Variants in NLGN1 observed in about 807,000 individuals in gnomAD.
NLGN1 encodes neuroligin-1.
Under a neutral mutation model 65.5 loss-of-function variants are expected in NLGN1, and 12 were observed. The observed-to-expected ratio is 0.18, with a 90% CI of 0.12 to 0.30. NLGN1 has a LOEUF of 0.30. NLGN1 is among the 10% of genes least tolerant of loss of function. The probability of loss-of-function intolerance (pLI) is 1.00; values close to 1 mark genes in which losing one functional copy is unlikely to be tolerated. For missense variants in NLGN1, 750 were observed against 1,007.1 expected (o/e 0.74, Z 3.46); for synonymous variants, 350 against 359.5 (o/e 0.97, Z 0.30).
At chr3:173,921,719 C>T (rs915212707) in intron 4 of NLGN1, among the ~76,000 whole-genome samples, 6 of 151,978 alleles carry the variant, frequency 3.9e-5, no homozygotes, top group Admixed American at 3.3e-4. Context: ...CTCCTAGCAA[C>T]GAGTATGTAT....
chr3:174,091,969 A>T (rs1462666819), intron 4 of NLGN1, among the ~76,000 whole-genome samples: 2 of 152,200 alleles, frequency 1.3e-5, no homozygotes, highest in East Asian at 1.9e-4. Context: ...AATGAATTTT[A>T]AAAATAAATC....
chr3:174,230,093 G>T (rs1043285532), intron 4 of NLGN1, among the ~76,000 whole-genome samples: 1 of 152,098 alleles, frequency 6.6e-6, no homozygotes, highest in Non-Finnish European at 1.5e-5. Context: ...TCCATATATG[G>T]CAGTGTGGTG....
chr3:173,803,351 T>C (rs1187036433), intron 3 of NLGN1, among the ~76,000 whole-genome samples: 6 of 152,046 alleles, frequency 3.9e-5, no homozygotes, highest in Non-Finnish European at 7.4e-5. Flanking sequence ...GTGTGGTGGC[T>C]CCACACCCTG....
At chr3:174,082,523 A>G (rs1742436708) in intron 4 of NLGN1, among the ~76,000 whole-genome samples, 1 of 151,918 alleles carries the variant, frequency 6.6e-6, no homozygotes, top group South Asian at 2.1e-4. Flanking sequence ...GGTAAAAAAG[A>G]CTACATAATA....
Position 173,762,383 on chromosome 3 carries a change from A to C in NLGN1, c.494-45297A>C, listed in dbSNP as rs190278243. On this transcript the variant is annotated intron_variant, in intron 3 of 6. Transcript: ENST00000457714. ...CTGCTATAAAAGTGACGATGCAAAC[A>C]CATATCTGTACCTTTAAAATGATAA... Among the ~76,000 whole-genome samples, 396 of 152,208 alleles carry C rather than the reference A, an allele frequency of 2.6e-3. 1 individual carries two copies. Among genetic ancestry groups the C allele is most frequent in the African/African-American group, 9.0e-3 (375 of 41,552 alleles).
At chr3:173,614,851 C>G (rs1262242808) in intron 3 of NLGN1, among the ~76,000 whole-genome samples, 1 of 152,024 alleles carries the variant, frequency 6.6e-6, no homozygotes, top group Non-Finnish European at 1.5e-5. Context: ...TCTTCCAGAG[C>G]AAAGGGAGCT....
chr3:174,029,554 GCTGGAATGAGTTAGGACCTTGGGGGA>G (rs1729511658), intron 4 of NLGN1, among the ~76,000 whole-genome samples: 1 of 152,150 alleles, frequency 6.6e-6, no homozygotes, highest in Admixed American at 6.5e-5. Flanking sequence ...TTGAGTTAAT[GCTGGAATGAGTTAGGACCTTGGGGGA>G]CTGTTGGGAA....
At chr3:174,016,127 G>C (rs556825087) in intron 4 of NLGN1, among the ~76,000 whole-genome samples, 1 of 152,268 alleles carries the variant, frequency 6.6e-6, no homozygotes, top group Non-Finnish European at 1.5e-5. Context: ...CAAGTATTCT[G>C]ATTAATAACT....
chr3:173,577,009 C>T (rs555387330), intron 2 of NLGN1, among the ~76,000 whole-genome samples: 3 of 152,262 alleles, frequency 2.0e-5, no homozygotes, highest in South Asian at 2.1e-4. Flanking sequence ...CTGACCTCAA[C>T]GTGATCTTAG....
At chr3:174,065,615 T>G (rs1244125940) in intron 4 of NLGN1, among the ~76,000 whole-genome samples, 1 of 151,826 alleles carries the variant, frequency 6.6e-6, no homozygotes, top group African/African-American at 2.4e-5. Flanking sequence ...TGTTCTTGTG[T>G]GTGTAGATAC....
intron 2 of NLGN1, among the ~76,000 whole-genome samples, chr3:173,488,088 A>G (rs1449801604): frequency 6.6e-6 from 1 of 150,902 alleles, no homozygotes; most frequent in Non-Finnish European, 1.5e-5. Context: ...TATGTTGTAC[A>G]TTTTATTTCT....
intron 3 of NLGN1, among the ~76,000 whole-genome samples, chr3:173,664,289 A>G (rs190077438): frequency 5.9e-5 from 9 of 152,180 alleles, no homozygotes; most frequent in Non-Finnish European, 1.3e-4. Context: ...AAAAAATTCA[A>G]ATGGTTCTCA....
At chr3:173,624,827 C>T (rs550037914) in intron 3 of NLGN1, among the ~76,000 whole-genome samples, 16 of 118,048 alleles carry the variant, frequency 1.4e-4, no homozygotes, top group African/African-American at 3.8e-4. Context: ...AGGAAGATGA[C>T]GATTTATAAT....
intron 3 of NLGN1, among the ~76,000 whole-genome samples, chr3:173,759,760 G>A (rs1777682415): frequency 6.6e-6 from 1 of 151,784 alleles, no homozygotes; most frequent in South Asian, 2.1e-4. Context: ...TTTTCTACTA[G>A]GATGTCAGCA....
At chr3:173,533,011 G>A (rs746042230) in intron 2 of NLGN1, among the ~76,000 whole-genome samples, 6 of 152,128 alleles carry the variant, frequency 3.9e-5, no homozygotes, top group Non-Finnish European at 7.4e-5. Context: ...TTTTGCATGC[G>A]TATTCTTGAT....
intron 4 of NLGN1, among the ~76,000 whole-genome samples, chr3:173,978,910 C>T (rs1290695183): frequency 6.7e-6 from 1 of 149,802 alleles, no homozygotes; most frequent in Non-Finnish European, 1.5e-5. Context: ...GAGGCTGAGG[C>T]ACAAGAATCA....
chr3:173,439,631 AT>A (rs1314246706), intron 2 of NLGN1, among the ~76,000 whole-genome samples: 2 of 151,686 alleles, frequency 1.3e-5, no homozygotes, highest in South Asian at 2.1e-4. Context: ...GAATCACACA[AT>A]TTTTTTTGTT....
intron 3 of NLGN1, among the ~76,000 whole-genome samples, chr3:173,699,242 A>G (rs1272101762): frequency 1.3e-5 from 2 of 152,222 alleles, no homozygotes; most frequent in Non-Finnish European, 1.5e-5. Context: ...AAATTTTAAT[A>G]TGGTTTACCA....
chr3:173,671,784 G>A (rs1003015400), intron 3 of NLGN1, among the ~76,000 whole-genome samples: 1 of 152,120 alleles, frequency 6.6e-6, no homozygotes, highest in Non-Finnish European at 1.5e-5. Flanking sequence ...TACAATTTAG[G>A]CTTTCTAGAG....
Sources: allele counts gnomAD v4.1 joint callset (sites outside exome capture counted in the v4.1 genomes callset), GRCh38; gene constraint gnomAD v4.1.1; transcripts MANE v1.5; gene names NCBI Gene and HGNC (gene_info 2026-07-23, HGNC 2026-07-21).